RAP1B: variants seen among roughly 807,000 people sequenced by gnomAD.
The protein encoded by RAP1B is ras-related protein Rap-1b.
RAP1B carries 1 observed loss-of-function variant against 27.5 expected under a neutral mutation model. That is an observed-to-expected ratio of 0.04 (90% CI 0.01 to 0.17). RAP1B has a LOEUF of 0.17. RAP1B is among the 10% of genes least tolerant of loss of function. The pLI is 1.00. For synonymous variants in RAP1B, 75 were observed against 73.1 expected, an observed-to-expected ratio of 1.03 and a Z score of -0.13; for missense variants, 84 against 214.8, an observed-to-expected ratio of 0.39 and a Z score of 3.81.
At chr12:68,657,362 A>C (rs781032970) in intron 7 of RAP1B, 145 bp downstream of exon 7, 3 of 521,902 alleles carry the variant, frequency 5.7e-6, no homozygotes, top group East Asian at 3.3e-5. Context: ...TTAGTATGCT[A>C]TCTTATTAAT....
At chr12:68,627,262 C>G (rs1871864650) in intron 1 of RAP1B, 1 of 1,023,832 alleles carries the variant, frequency 9.8e-7, no homozygotes. Context: ...TTAGAGCAAC[C>G]CATACAATAC....
chr12:68,633,697 C>T (rs1406350625), intron 1 of RAP1B, among the ~76,000 whole-genome samples: 3 of 151,930 alleles, frequency 2.0e-5, no homozygotes, highest in African/African-American at 7.3e-5. Flanking sequence ...GGTGAAACCC[C>T]GTCTCTACTA....
intron 2 of RAP1B, 151 bp from the exon 3 acceptor site, chr12:68,650,249 A>G (rs1236484131): frequency 3.4e-6 from 2 of 596,860 alleles, no homozygotes; most frequent in East Asian, 3.8e-5. Flanking sequence ...TAATTTTCTT[A>G]CCAAATGTAC....
chr12:68,630,071 A>G (rs1872123716), intron 1 of RAP1B, among the ~76,000 whole-genome samples: 1 of 152,202 alleles, frequency 6.6e-6, no homozygotes. Flanking sequence ...TTTGAGTCCT[A>G]GTTGATCTCA....
intron 4 of RAP1B, among the ~76,000 whole-genome samples, chr12:68,652,544 G>A (rs1299926116): frequency 6.6e-6 from 1 of 152,326 alleles, no homozygotes; most frequent in African/African-American, 2.4e-5. Context: ...GCCGGGCGCA[G>A]TGGCTCACGC....
At position 68,659,955 on chromosome 12, in the gene RAP1B, A is replaced by G. The variant is rs1874509114; in HGVS notation, c.*706A>G. On this transcript the variant is annotated 3_prime_UTR_variant, in exon 8 of 8. Transcript: ENST00000250559. Reference sequence around the variant, plus strand: ...TTATATGTTTCCTTTTTTTGTTTACATAGGGAACAATGTTTATAGTCGTGT... The same window carrying G: ...TTATATGTTTCCTTTTTTTGTTTACGTAGGGAACAATGTTTATAGTCGTGT... 6.8e-6 allele frequency: 1 copy of G among 147,060 alleles called. No individual in the cohort carries two copies. The allele number at this position is 147,060 out of a possible 1,614,324, so 9.1% of individuals were successfully genotyped here. A position where few individuals can be genotyped will look rare whatever the true frequency, so the allele number is the denominator to read the frequency against.
rs1230716682 is a variant in RAP1B at position 68,659,987 on chromosome 12, T to TG, written c.*743dup. ...ACAATGTTTATAGTCGTGTGTACAG[T>TG]GGGGGTCTACAACAAGAAGTGTATA... On this transcript the variant is annotated 3_prime_UTR_variant, in exon 8 of 8. Transcript: ENST00000250559. 1.4e-5 allele frequency: 2 copies of TG among 142,628 alleles called. No individual in the cohort carries two copies. Among genetic ancestry groups the TG allele is most frequent in the Admixed American group, 7.2e-5 (1 of 13,886 alleles). 8.8% of individuals were successfully genotyped at this position (142,628 alleles called of 1,614,324 possible).
chr12:68,621,857 C>G (rs1201560642), intron 1 of RAP1B, among the ~76,000 whole-genome samples: 1 of 152,142 alleles, frequency 6.6e-6, no homozygotes, highest in East Asian at 1.9e-4. Context: ...GACTGGAGAG[C>G]CTTTGACTAG....
At chr12:68,650,187 C>A in intron 2 of RAP1B, 1 of 338,778 alleles carries the variant, frequency 3.0e-6, no homozygotes, top group Non-Finnish European at 5.3e-6. Context: ...TTTAGAATTA[C>A]CCAATAAGGA....
intron 1 of RAP1B, among the ~76,000 whole-genome samples, chr12:68,646,297 GGT>G (rs1320289524): frequency 6.6e-6 from 1 of 151,722 alleles, no homozygotes; most frequent in Non-Finnish European, 1.5e-5. Context: ...ACCAGTTTTT[GGT>G]GTGTTTTTTT....
At chr12:68,653,472 T>C (rs1873963835) in intron 4 of RAP1B, among the ~76,000 whole-genome samples, 1 of 152,136 alleles carries the variant, frequency 6.6e-6, no homozygotes, top group Non-Finnish European at 1.5e-5. Flanking sequence ...AGCATTTGAG[T>C]CATAGCTAAT....
chr12:68,651,028 A>G (rs1873780006), intron 3 of RAP1B: 1 of 152,276 alleles, frequency 6.6e-6, no homozygotes, highest in South Asian at 2.1e-4. Flanking sequence ...ATAATCTTAC[A>G]TAATATTTTT....
At position 68,665,358 on chromosome 12, in the gene RAP1B, CA is replaced by C. The variant is rs1874804538; in HGVS notation, c.*6110del. 6.6e-6 allele frequency: 1 copy of C among 152,212 alleles called. No homozygotes were observed. Among genetic ancestry groups the C allele is most frequent in the African/African-American group, 2.4e-5 (1 of 41,448 alleles). The allele number at this position is 152,212 out of a possible 1,614,324, so 9.4% of individuals were successfully genotyped here. On this transcript the variant is annotated 3_prime_UTR_variant, in exon 8 of 8. Transcript: ENST00000250559. ...TTTGAACATGTATTTTCTGTGCAGT[CA>C]GATTTGAAGGGTTGGACCTTGGAGT...
chr12:68,659,534 A>G lies in RAP1B; in HGVS notation c.*285A>G, dbSNP rs1015218588. On this transcript the variant is annotated 3_prime_UTR_variant, in exon 8 of 8. Coordinates refer to ENST00000250559, the MANE Select transcript of RAP1B (RefSeq NM_001010942.3). Reference sequence around the variant, plus strand: ...GCTAAGAGACATTCTTCATCCACCAATGTTGTACATGTATGAAAATGGTGT... The same window carrying G: ...GCTAAGAGACATTCTTCATCCACCAGTGTTGTACATGTATGAAAATGGTGT... 8 of 311,778 alleles carry G rather than the reference A, an allele frequency of 2.6e-5. No homozygotes were observed. The East Asian group carries it at 5.9e-4, about 23-fold the overall frequency. 19.3% of individuals were successfully genotyped at this position (311,778 alleles called of 1,614,324 possible). A position where few individuals can be genotyped will look rare whatever the true frequency, so the allele number is the denominator to read the frequency against.
chr12:68,617,687 G>A (rs1871124302), intron 1 of RAP1B, among the ~76,000 whole-genome samples: 1 of 152,142 alleles, frequency 6.6e-6, no homozygotes, highest in African/African-American at 2.4e-5. Context: ...TGAGAATGAT[G>A]ACATACTGTT....
chr12:68,667,050 T>G lies in RAP1B; in HGVS notation c.*7801T>G, dbSNP rs1047997797. On this transcript the variant is annotated 3_prime_UTR_variant, in exon 8 of 8. Coordinates refer to ENST00000250559, the MANE Select transcript of RAP1B (RefSeq NM_001010942.3). ...TACCTTCTACTTGTGTCAGTATATA[T>G]CCTGCCTACCCTACATATTTTATAT... 1 of 152,204 alleles carries G rather than the reference T, an allele frequency of 6.6e-6. No individual in the cohort carries two copies. The highest frequency in any genetic ancestry group is 6.5e-5 in the Admixed American group (1 of 15,276). 9.4% of individuals were successfully genotyped at this position (152,204 alleles called of 1,614,324 possible).
At chr12:68,653,550 T>TA in intron 4 of RAP1B, among the ~76,000 whole-genome samples, 1 of 152,330 alleles carries the variant, frequency 6.6e-6, no homozygotes, top group South Asian at 2.1e-4. Context: ...CTGCCTTTAG[T>TA]AACTTTTGGG....
chr12:68,665,130 A>C lies in RAP1B; in HGVS notation c.*5881A>C, dbSNP rs541160951. On this transcript the variant is annotated 3_prime_UTR_variant, in exon 8 of 8. Coordinates refer to ENST00000250559, the MANE Select transcript of RAP1B (RefSeq NM_001010942.3). ...CATAGGGAGACCCTGTCACTTGACAAAAGTATCTTTCCCTACTGGAAATGG... is the reference window on the plus strand; with the variant it reads ...CATAGGGAGACCCTGTCACTTGACACAAGTATCTTTCCCTACTGGAAATGG... 1 of 152,374 alleles carries C rather than the reference A, an allele frequency of 6.6e-6. No individual in the cohort carries two copies. The highest frequency in any genetic ancestry group is 1.9e-4 in the East Asian group (1 of 5,192). The allele number at this position is 152,374 out of a possible 1,614,324, so 9.4% of individuals were successfully genotyped here. A position where few individuals can be genotyped will look rare whatever the true frequency, so the allele number is the denominator to read the frequency against.
intron 1 of RAP1B, chr12:68,642,794 A>C: frequency 1.9e-6 from 2 of 1,037,460 alleles, no homozygotes; most frequent in East Asian, 4.7e-5. Context: ...AAAGTCATCC[A>C]CCAAACCGGC....
Sources: allele counts gnomAD v4.1 joint callset (sites outside exome capture counted in the v4.1 genomes callset), GRCh38; gene constraint gnomAD v4.1.1; transcripts MANE v1.5; gene names NCBI Gene and HGNC (gene_info 2026-07-23, HGNC 2026-07-21).